POU6F2: variants seen among roughly 807,000 people sequenced by gnomAD.
The protein encoded by POU6F2 is POU class 6 homeobox 2, also known as POU domain, class 6, transcription factor 2.
A neutral mutation model predicts 71.3 loss-of-function variants in POU6F2; 31 were observed. The ratio of observed to expected loss-of-function variants is 0.43; its 90% CI spans 0.33 to 0.59. The LOEUF (loss-of-function observed/expected upper bound fraction) is 0.59, where lower values mean the gene tolerates loss of function less well. Ranked by LOEUF, POU6F2 falls within the 20% of genes least tolerant of loss-of-function variation. The pLI, the probability that POU6F2 is intolerant of heterozygous loss-of-function variation, is 0.04. For synonymous variants in POU6F2, 347 were observed against 355.7 expected, an observed-to-expected ratio of 0.98 and a Z score of 0.27; for missense variants, 783 against 856.8, an observed-to-expected ratio of 0.91 and a Z score of 1.07.
At chr7:39,138,766 C>T (rs1001015964) in intron 2 of POU6F2, among the ~76,000 whole-genome samples, 9 of 152,150 alleles carry the variant, frequency 5.9e-5, no homozygotes, top group African/African-American at 2.2e-4. Flanking sequence ...CCAAACCACC[C>T]CTGCCCCCCA....
intron 2 of POU6F2, among the ~76,000 whole-genome samples, chr7:39,136,003 A>G (rs963131965): frequency 6.6e-6 from 1 of 152,230 alleles, no homozygotes; most frequent in Admixed American, 6.5e-5. Context: ...TGTAGAATAT[A>G]TAGTAGCAAC....
intron 2 of POU6F2, among the ~76,000 whole-genome samples, chr7:39,136,987 C>G (rs1792400470): frequency 7.3e-6 from 1 of 136,082 alleles, no homozygotes; most frequent in African/African-American, 2.8e-5. Flanking sequence ...TGCACTCCAG[C>G]CTGGGTGACA....
intron 2 of POU6F2, among the ~76,000 whole-genome samples, chr7:39,168,257 T>A (rs954775518): frequency 3.9e-5 from 6 of 152,212 alleles, no homozygotes; most frequent in Admixed American, 6.5e-5. Flanking sequence ...CTTAAAATTG[T>A]CCGAACATTT....
intron 5 of POU6F2, chr7:39,404,843 C>T (rs1214989977): frequency 6.6e-6 from 1 of 151,858 alleles, no homozygotes; most frequent in East Asian, 1.9e-4. Context: ...AGGTAGTCTA[C>T]AAACAAGGAG....
At chr7:39,456,030 G>A (rs1788794287) in intron 8 of POU6F2, among the ~76,000 whole-genome samples, 1 of 152,144 alleles carries the variant, frequency 6.6e-6, no homozygotes, top group African/African-American at 2.4e-5. Context: ...GGTGGACCCT[G>A]GCCATCATTG....
At chr7:39,116,994 T>TAATG (rs1791943779) in intron 2 of POU6F2, among the ~76,000 whole-genome samples, 1 of 152,180 alleles carries the variant, frequency 6.6e-6, no homozygotes, top group Non-Finnish European at 1.5e-5. Context: ...TAGTGGCACC[T>TAATG]TCTTGTTTGT....
chr7:39,325,392 A>G (rs1185458780), intron 4 of POU6F2, among the ~76,000 whole-genome samples: 2 of 152,140 alleles, frequency 1.3e-5, no homozygotes, highest in Non-Finnish European at 2.9e-5. Flanking sequence ...CTTTTTGGCA[A>G]CCCTGAAATT....
intron 4 of POU6F2, among the ~76,000 whole-genome samples, chr7:39,266,982 A>G (rs377574109): frequency 2.0e-5 from 3 of 152,024 alleles, no homozygotes; most frequent in African/African-American, 7.3e-5. Context: ...CTGTTGACCA[A>G]CCTCTTCCCC....
chr7:39,075,139 A>G (rs1790972591), intron 1 of POU6F2, among the ~76,000 whole-genome samples: 1 of 152,150 alleles, frequency 6.6e-6, no homozygotes, highest in African/African-American at 2.4e-5. Context: ...ATCTCTTTGG[A>G]GCTAGACCAG....
chr7:39,379,605 G>T (rs1465965689), intron 5 of POU6F2, among the ~76,000 whole-genome samples: 4 of 152,118 alleles, frequency 2.6e-5, no homozygotes. Context: ...ATTCCACCCA[G>T]TTTTGTGATC....
intron 1 of POU6F2, among the ~76,000 whole-genome samples, chr7:39,065,216 T>C (rs893946196): frequency 1.3e-5 from 2 of 151,830 alleles, no homozygotes; most frequent in East Asian, 3.9e-4. Context: ...TCGGTTACAA[T>C]TAAAAATTAA....
chr7:38,979,968 T>C (rs1368713011), intron 1 of POU6F2, among the ~76,000 whole-genome samples: 1 of 152,152 alleles, frequency 6.6e-6, no homozygotes, highest in Non-Finnish European at 1.5e-5. Context: ...AGGTATATAC[T>C]TAAAAAAATG....
At chr7:39,137,755 T>C (rs770800430) in intron 2 of POU6F2, among the ~76,000 whole-genome samples, 1 of 152,264 alleles carries the variant, frequency 6.6e-6, no homozygotes, top group Non-Finnish European at 1.5e-5. Context: ...ATAAACCCTA[T>C]GTACCTCTTT....
chr7:39,344,154 C>G (rs1049411493), intron 5 of POU6F2, among the ~76,000 whole-genome samples: 1 of 152,072 alleles, frequency 6.6e-6, no homozygotes, highest in Non-Finnish European at 1.5e-5. Context: ...CATGGCAGGA[C>G]GCAGGATAAT....
chr7:39,036,519 C>A (rs1489311883), intron 1 of POU6F2, among the ~76,000 whole-genome samples: 1 of 151,452 alleles, frequency 6.6e-6, no homozygotes, highest in Non-Finnish European at 1.5e-5. Context: ...ATGTTTTTTT[C>A]TTTGCTTTAC....
intron 4 of POU6F2, among the ~76,000 whole-genome samples, chr7:39,257,082 T>C (rs1562765843): frequency 6.6e-6 from 1 of 152,136 alleles, no homozygotes; most frequent in African/African-American, 2.4e-5. Flanking sequence ...ACCCTCTCAA[T>C]GGAAGGTTTG....
chr7:39,331,028 G>C (rs1265508860), intron 4 of POU6F2, among the ~76,000 whole-genome samples: 1 of 152,142 alleles, frequency 6.6e-6, no homozygotes. Flanking sequence ...AGATCATGTG[G>C]TATTTGTCTT....
chr7:39,283,204 A>G (rs997416619), intron 4 of POU6F2, among the ~76,000 whole-genome samples: 3 of 152,146 alleles, frequency 2.0e-5, no homozygotes, highest in African/African-American at 2.4e-5. Context: ...TTTTTTATAT[A>G]TAAGATTATG....
At chr7:39,173,444 T>C (rs1443746343) in intron 2 of POU6F2, among the ~76,000 whole-genome samples, 1 of 152,232 alleles carries the variant, frequency 6.6e-6, no homozygotes, top group East Asian at 1.9e-4. Context: ...GCTGTAGAGT[T>C]TGATGAGATA....
Sources: gnomAD v4.1 joint callset for allele counts (sites outside exome capture counted in the v4.1 genomes callset) on GRCh38, gnomAD v4.1.1 for gene constraint, MANE v1.5 for transcripts, NCBI Gene and HGNC (gene_info 2026-07-23, HGNC 2026-07-21) for gene names.